The following NHSL1 variants were observed in gnomAD, a reference collection of about 807,000 sequenced individuals.
The protein encoded by NHSL1 is NHS like 1.
In NHSL1, 48 loss-of-function variants were observed where a neutral mutation model predicts 95.0. The ratio of observed to expected loss-of-function variants is 0.51; its 90% confidence interval spans 0.40 to 0.64. The LOEUF is 0.64. Ranked by LOEUF, NHSL1 falls within the 30% of genes least tolerant of loss-of-function variation. The pLI, the probability that NHSL1 is intolerant of heterozygous loss-of-function variation, is 0.00. For missense variants in NHSL1, 1,971 were observed against 2,077.7 expected, an observed-to-expected ratio of 0.95 and a Z score of 1.00; for synonymous variants, 783 against 833.9, an observed-to-expected ratio of 0.94 and a Z score of 1.05.
At chr6:138,467,343 G>A (rs190088106) in intron 3 of NHSL1, among the ~76,000 whole-genome samples, 6 of 152,062 alleles carry the variant, frequency 3.9e-5, no homozygotes, top group Admixed American at 3.9e-4. Context: ...TAGTAGAGAC[G>A]GGGTTTTGCC....
At chr6:138,567,029 T>C (rs1783645399) in intron 1 of NHSL1, among the ~76,000 whole-genome samples, 1 of 152,232 alleles carries the variant, frequency 6.6e-6, no homozygotes, top group South Asian at 2.1e-4. Flanking sequence ...TTTGTGATGC[T>C]ACTTGACAAT....
At chr6:138,564,651 T>TA (rs111960358) in intron 1 of NHSL1, among the ~76,000 whole-genome samples, 9,489 of 139,402 alleles carry the variant, frequency 0.068, 840 homozygotes, top group African/African-American at 0.2. Context: ...GCCTTGGGGA[T>TA]AAAAAAAAAA....
intron 1 of NHSL1, among the ~76,000 whole-genome samples, chr6:138,509,815 C>A (rs545421390): frequency 6.6e-6 from 1 of 152,278 alleles, no homozygotes; most frequent in South Asian, 2.1e-4. Context: ...GTGTCTGCAA[C>A]CAAGCCCACA....
At chr6:138,601,412 T>A (rs1218781316) in intron 1 of NHSL1, among the ~76,000 whole-genome samples, 2 of 152,236 alleles carry the variant, frequency 1.3e-5, no homozygotes, top group African/African-American at 4.8e-5. Context: ...TAGACACTTG[T>A]GTGGCTATTG....
At chr6:138,572,141 G>A in exon 1 of NHSL1, 2 of 459,390 alleles carry the variant, frequency 4.4e-6, no homozygotes, top group Non-Finnish European at 7.6e-6. Flanking sequence ...GCCACATTGT[G>A]GACTCCGTTT....
At chr6:138,437,296 G>GTGTATATATA (rs1405070382) in intron 5 of NHSL1, among the ~76,000 whole-genome samples, 2 of 96,150 alleles carry the variant, frequency 2.1e-5, no homozygotes, top group African/African-American at 8.9e-5. Context: ...ATACACAAAT[G>GTGTATATATA]TATATATATA....
intron 1 of NHSL1, among the ~76,000 whole-genome samples, chr6:138,666,928 G>T (rs1785303111): frequency 6.6e-6 from 1 of 152,082 alleles, no homozygotes; most frequent in African/African-American, 2.4e-5. Flanking sequence ...TATATTCACG[G>T]ATTCCAGATT....
chr6:138,626,616 G>T (rs1165353817), intron 1 of NHSL1, among the ~76,000 whole-genome samples: 1 of 71,386 alleles, frequency 1.4e-5, no homozygotes, highest in East Asian at 4.3e-4. Flanking sequence ...ATTGTAGGCC[G>T]GGCGCGGTGG....
intron 1 of NHSL1, among the ~76,000 whole-genome samples, chr6:138,593,522 G>A (rs978466679): frequency 9.2e-5 from 14 of 151,990 alleles, no homozygotes; most frequent in East Asian, 1.9e-4. Context: ...TGAGGCCAAC[G>A]GCTAACTAAA....
intron 1 of NHSL1, among the ~76,000 whole-genome samples, chr6:138,595,503 G>C (rs1784291989): frequency 6.6e-6 from 1 of 152,300 alleles, no homozygotes; most frequent in East Asian, 1.9e-4. Flanking sequence ...TTGTGCCCCG[G>C]GAGTTCTAGG....
chr6:138,504,059 T>C (rs530832632), upstream of NHSL1, among the ~76,000 whole-genome samples: 103 of 142,538 alleles, frequency 7.2e-4, 1 homozygote, highest in African/African-American at 2.4e-3. Context: ...AGAGAGACCC[T>C]ATCCCCCCAA....
At chr6:138,664,642 C>T (rs552171778) in intron 1 of NHSL1, among the ~76,000 whole-genome samples, 8 of 152,146 alleles carry the variant, frequency 5.3e-5, no homozygotes, top group Non-Finnish European at 1.0e-4. Context: ...AGAAACAGAA[C>T]GAATATGACA....
chr6:138,582,950 G>A (rs1272652552), intron 1 of NHSL1, among the ~76,000 whole-genome samples: 2 of 152,228 alleles, frequency 1.3e-5, no homozygotes, highest in African/African-American at 4.8e-5. Context: ...ATGGCTTAAA[G>A]CAGTCATCAG....
rs374556987 is a variant in NHSL1 at position 138,431,752 on chromosome 6, C to T, written c.2593G>A (p.Val865Met). 7.0e-5 allele frequency: 109 copies of T among 1,551,740 alleles called. 1 individual carries two copies. In the African/African-American group the frequency reaches 1.4e-3, roughly 20 times the overall value. Residue 865 changes from valine (V) to methionine (M), a missense_variant, in exon 6 of 8, where the codon GTG becomes ATG. Val to Met is a conservative substitution (Grantham distance 21). This residue lies in a region of NHSL1 where 1,602 missense variants were observed against 1,654.5 expected (regional missense o/e 0.97). Coordinates refer to ENST00000343505, the MANE Select transcript of NHSL1 (RefSeq NM_001144060.2). The surrounding 1 kb of genome is among the most constrained non-coding windows in gnomAD (Gnocchi z 4.0). The part of the protein sequence containing the change: ...QSNTPTALTP[V>M]PVFLKSVSPA... ...GACACTGATTTTAAAAACACAGGCA[C>T]AGGGGTGAGTGCTGTGGGTGTATTC...
chr6:138,587,503 CAA>C lies in NHSL1; in HGVS notation c.97-91134_97-91133del, dbSNP rs35723995. ...GAGGGCATCAAGAGCAAAACTCTGTCAAAAAAAAAAAAAAAAAAAAGCCTTCA... is the reference window on the plus strand; with the variant it reads ...GAGGGCATCAAGAGCAAAACTCTGTCAAAAAAAAAAAAAAAAAAGCCTTCA... On this transcript the variant is annotated intron_variant, in intron 1 of 3. Transcript: ENST00000491526. 4.4e-3 allele frequency among the ~76,000 whole-genome samples: 266 copies of C among 59,884 alleles called. 2 individuals carry two copies. The highest frequency in any genetic ancestry group is 0.023 in the Middle Eastern group (2 of 86). 39.3% of individuals were successfully genotyped at this position (59,884 alleles called of 152,430 possible).
chr6:138,639,569 G>C (rs1784932277), intron 1 of NHSL1, among the ~76,000 whole-genome samples: 1 of 151,544 alleles, frequency 6.6e-6, no homozygotes, highest in Non-Finnish European at 1.5e-5. Flanking sequence ...ATGAACCTGG[G>C]AGGCAGAGCT....
intron 1 of NHSL1, among the ~76,000 whole-genome samples, chr6:138,624,026 G>A (rs749763383): frequency 6.6e-6 from 1 of 152,180 alleles, no homozygotes; most frequent in Admixed American, 6.6e-5. Flanking sequence ...ATGTGGAACT[G>A]TGAGTCAGTT....
intron 1 of NHSL1, among the ~76,000 whole-genome samples, chr6:138,552,717 T>C (rs9495123): frequency 0.043 from 6,475 of 152,222 alleles, 463 homozygotes; most frequent in African/African-American, 0.15. Context: ...TTGGCTTAGA[T>C]AACCTTCCAG....
intron 1 of NHSL1, among the ~76,000 whole-genome samples, chr6:138,563,452 C>T (rs998562210): frequency 6.6e-6 from 1 of 152,110 alleles, no homozygotes; most frequent in African/African-American, 2.4e-5. Flanking sequence ...AAAGACACTT[C>T]CACAACTGGA....
Sources: gnomAD v4.1 joint callset for allele counts (sites outside exome capture counted in the v4.1 genomes callset) on GRCh38, gnomAD v4.1.1 for gene constraint, gnomAD v4.1.1 regional missense constraint, Gnocchi (gnomAD v3.1) non-coding constraint, MANE v1.5 for transcripts, NCBI Gene and HGNC (gene_info 2026-07-23, HGNC 2026-07-21) for gene names.